The following KCNC2 variants were observed in gnomAD, a reference collection of about 807,000 sequenced individuals.
KCNC2 encodes the protein voltage-gated potassium channel KCNC2.
A neutral mutation model predicts 44.5 loss-of-function variants in KCNC2; 21 were observed. That is an observed-to-expected ratio of 0.47 (90% CI 0.33 to 0.68). The LOEUF (loss-of-function observed/expected upper bound fraction) is 0.68. Ranked by LOEUF, KCNC2 falls within the 30% of genes least tolerant of loss-of-function variation. KCNC2 has a pLI of 0.01. For missense variants in KCNC2, 589 were observed against 826.2 expected, an observed-to-expected ratio of 0.71 and a Z score of 3.52; for synonymous variants, 391 against 339.1, an observed-to-expected ratio of 1.15 and a Z score of -1.68.
intron 2 of KCNC2, among the ~76,000 whole-genome samples, chr12:75,054,660 G>A (rs1053948164): frequency 2.2e-4 from 34 of 152,122 alleles, no homozygotes; most frequent in Non-Finnish European, 3.4e-4. Flanking sequence ...GTTAACCATG[G>A]GAGGCGGGAT....
intron 2 of KCNC2, among the ~76,000 whole-genome samples, chr12:75,133,647 T>A (rs1013556495): frequency 1.3e-5 from 2 of 152,112 alleles, no homozygotes; most frequent in South Asian, 4.1e-4. Flanking sequence ...TGGCCTTACA[T>A]GAATAAAATG....
chr12:75,141,700 A>G (rs933400715), intron 2 of KCNC2, among the ~76,000 whole-genome samples: 8 of 152,180 alleles, frequency 5.3e-5, no homozygotes, highest in African/African-American at 1.7e-4. Context: ...TGTGGCTAAT[A>G]TAAATTTAGT....
chr12:75,096,560 T>A (rs528526191), intron 2 of KCNC2, among the ~76,000 whole-genome samples: 1 of 152,192 alleles, frequency 6.6e-6, no homozygotes, highest in African/African-American at 2.4e-5. Context: ...AGGACCTATA[T>A]CACAGAGAAA....
At chr12:75,062,160 A>G (rs1164168177) in intron 2 of KCNC2, among the ~76,000 whole-genome samples, 1 of 152,124 alleles carries the variant, frequency 6.6e-6, no homozygotes, top group African/African-American at 2.4e-5. Flanking sequence ...AGAAAAGCAA[A>G]CTGAAGCTTA....
At position 75,041,807 on chromosome 12, in the gene KCNC2, T is replaced by A; in HGVS notation, c.*1298A>T. The stretch of plus-strand genomic sequence containing the variant: ...ATTAACTTAGGTAGTCTACAGAGCA[T>A]CATTAATTTATACACAAAGCAGAGA... On this transcript the variant is annotated 3_prime_UTR_variant, in exon 5 of 5. Transcript: ENST00000549446. The A allele has an allele frequency of 4.0e-6, 4 of 989,200 alleles. No homozygotes were observed. The highest frequency in any genetic ancestry group is 4.8e-6 in the Non-Finnish European group (4 of 832,316). The allele number at this position is 989,200 out of a possible 1,614,324, so 61.3% of individuals were successfully genotyped here. A position where few individuals can be genotyped will look rare whatever the true frequency, so the allele number is the denominator to read the frequency against.
intron 2 of KCNC2, among the ~76,000 whole-genome samples, chr12:75,191,246 T>A (rs1444856789): frequency 1.3e-5 from 2 of 151,532 alleles, no homozygotes; most frequent in Non-Finnish European, 2.9e-5. Context: ...AGGTTAAATT[T>A]AAAAAAAATC....
Position 75,125,739 on chromosome 12 carries a change from C to T in KCNC2, c.688-74422G>A, listed in dbSNP as rs184700821. On this transcript the variant is annotated intron_variant, in intron 2 of 4. Transcript: ENST00000549446. ...ACATTTCATGGTCATTGCCAATTTA[C>T]GTGCCAAACTCACCTTTTGGATTCC... 7.2e-5 allele frequency among the ~76,000 whole-genome samples: 11 copies of T among 152,212 alleles called. 1 individual carries two copies. Among genetic ancestry groups the T allele is most frequent in the Admixed American group, 3.3e-4 (5 of 15,288 alleles).
chr12:75,171,126 G>A (rs1035371431), intron 2 of KCNC2, among the ~76,000 whole-genome samples: 1 of 151,734 alleles, frequency 6.6e-6, no homozygotes. Context: ...CTGACCTCTA[G>A]ACTCTTTTTT....
At chr12:75,147,227 A>G (rs1890086473) in intron 2 of KCNC2, among the ~76,000 whole-genome samples, 1 of 152,316 alleles carries the variant, frequency 6.6e-6, no homozygotes, top group Admixed American at 6.5e-5. Context: ...AATGTGTGCA[A>G]GGTATTTACA....
At chr12:75,190,004 C>T (rs747808670) in intron 2 of KCNC2, among the ~76,000 whole-genome samples, 14 of 152,154 alleles carry the variant, frequency 9.2e-5, no homozygotes, top group Non-Finnish European at 1.5e-4. Context: ...CATTAGCCTA[C>T]CATTAAGCTT....
At chr12:75,045,281 T>C (rs1880356881) in intron 4 of KCNC2, among the ~76,000 whole-genome samples, 1 of 151,994 alleles carries the variant, frequency 6.6e-6, no homozygotes, top group African/African-American at 2.4e-5. Context: ...GGCAGTTTTA[T>C]AGTGTTCATG....
chr12:75,125,733 A>G (rs1244270379), intron 2 of KCNC2, among the ~76,000 whole-genome samples: 1 of 152,194 alleles, frequency 6.6e-6, no homozygotes, highest in Non-Finnish European at 1.5e-5. Context: ...GGTCATTGCC[A>G]ATTTACGTGC....
At chr12:75,160,419 A>T (rs1482451253) in intron 2 of KCNC2, among the ~76,000 whole-genome samples, 1 of 151,868 alleles carries the variant, frequency 6.6e-6, no homozygotes, top group Non-Finnish European at 1.5e-5. Flanking sequence ...AAAAAAAAGT[A>T]TTAGGATTTA....
intron 2 of KCNC2, among the ~76,000 whole-genome samples, chr12:75,182,720 C>T (rs1481817770): frequency 6.6e-6 from 1 of 152,078 alleles, no homozygotes; most frequent in African/African-American, 2.4e-5. Flanking sequence ...ACACCTCCAG[C>T]AGGGTTTGGG....
chr12:75,109,582 G>T (rs1887061722), intron 2 of KCNC2, among the ~76,000 whole-genome samples: 1 of 152,122 alleles, frequency 6.6e-6, no homozygotes, highest in African/African-American at 2.4e-5. Flanking sequence ...GAGCATCAGA[G>T]AAGTACCTTT....
intron 2 of KCNC2, among the ~76,000 whole-genome samples, chr12:75,141,181 C>T (rs1889626791): frequency 6.6e-6 from 1 of 152,114 alleles, no homozygotes; most frequent in South Asian, 2.1e-4. Flanking sequence ...TCTAACCTGT[C>T]CCTCAAATGT....
chr12:75,161,613 T>A (rs1891129972), intron 2 of KCNC2, among the ~76,000 whole-genome samples: 1 of 151,792 alleles, frequency 6.6e-6, no homozygotes, highest in South Asian at 2.1e-4. Context: ...ATTACTCTAA[T>A]CACCTTGGTA....
Position 75,041,373 on chromosome 12 carries a change from C to T in KCNC2, c.*1732G>A, listed in dbSNP as rs1879884907. On this transcript the variant is annotated 3_prime_UTR_variant, in exon 5 of 5. Coordinates refer to ENST00000549446, the MANE Select transcript of KCNC2 (RefSeq NM_139137.4). ...ATTGCTGTACAACATCTCCAACATGCAGGTCATGCTCTAGGACTTGGGGAT... is the reference window on the plus strand; with the variant it reads ...ATTGCTGTACAACATCTCCAACATGTAGGTCATGCTCTAGGACTTGGGGAT... 7.0e-6 allele frequency: 10 copies of T among 1,435,924 alleles called. No homozygotes were observed. The highest frequency in any genetic ancestry group is 9.2e-6 in the Non-Finnish European group (10 of 1,092,494). 88.9% of individuals were successfully genotyped at this position (1,435,924 alleles called of 1,614,324 possible).
Position 75,207,307 on chromosome 12 carries a change from C to T in KCNC2, c.677G>A (p.Arg226Lys), listed in dbSNP as rs1434038583. The T allele has an allele frequency of 7.8e-6, 12 of 1,545,432 alleles. No individual in the cohort carries two copies. Among genetic ancestry groups the T allele is most frequent in the Non-Finnish European group, 1.0e-5 (12 of 1,150,084 alleles). The change falls in exon 2 of 5, where the codon AGA (arginine) becomes AAA (lysine). Residue 226 changes from arginine to lysine, a missense_variant. Arg to Lys is a conservative substitution (Grantham distance 26). Coordinates refer to ENST00000549446, the MANE Select transcript of KCNC2 (RefSeq NM_139137.4). The surrounding 1 kb of genome is among the most constrained non-coding windows in gnomAD (Gnocchi z 4.1). ...CGATTCTGGCCTTACCCTGGCGGCT[C>T]TGGACGAGTAGGGGTCTTCGAAGAG... ...WALFEDPYSS[R>K]AARFIAFASL...
Sources: allele counts gnomAD v4.1 joint callset (sites outside exome capture counted in the v4.1 genomes callset), GRCh38; gene constraint gnomAD v4.1.1; non-coding constraint Gnocchi (gnomAD v3.1); transcripts MANE v1.5; gene names NCBI Gene and HGNC (gene_info 2026-07-23, HGNC 2026-07-21).